TRAPPC9: variants seen among roughly 807,000 people sequenced by gnomAD.
TRAPPC9 encodes trafficking protein particle complex subunit 9, also known as IKK2 binding protein.
Under a neutral mutation model 124.0 loss-of-function variants are expected in TRAPPC9, and 83 were observed. The observed-to-expected ratio is 0.67, with a 90% CI of 0.56 to 0.80. The LOEUF (loss-of-function observed/expected upper bound fraction) is 0.80. TRAPPC9 is among the 30% of genes least tolerant of loss of function. The pLI, the probability that TRAPPC9 is intolerant of heterozygous loss-of-function variation, is 0.00. For synonymous variants in TRAPPC9, 638 were observed against 617.5 expected, an observed-to-expected ratio of 1.03 and a Z score of -0.49; for missense variants, 1,302 against 1,508.3, an observed-to-expected ratio of 0.86 and a Z score of 2.27.
chr8:140,083,512 G>C (rs141609187), intron 17 of TRAPPC9, among the ~76,000 whole-genome samples: 1 of 152,302 alleles, frequency 6.6e-6, no homozygotes, highest in East Asian at 1.9e-4. Flanking sequence ...ACCACAGAGA[G>C]AAAGGTGAGG....
Position 140,133,806 on chromosome 8 carries a change from T to C in TRAPPC9, c.2556+87653A>G, listed in dbSNP as rs1354069840. Among the ~76,000 whole-genome samples the C allele has an allele frequency of 3.3e-5, 5 of 151,614 alleles. No individual in the cohort carries two copies. The South Asian group carries it at 1.0e-3, about 31-fold the overall frequency. ...ATTTAGAAAGCAATTCCATTTAAAA[T>C]AGTATATGGAATAATACCTAGGAAT... On this transcript the variant is annotated intron_variant, in intron 17 of 22. Transcript: ENST00000438773.
At chr8:139,791,337 G>A (rs56343024) in intron 21 of TRAPPC9, among the ~76,000 whole-genome samples, 57,985 of 131,476 alleles carry the variant, frequency 0.44, 13,142 homozygotes, top group Non-Finnish European at 0.55. Flanking sequence ...ACACACACAC[G>A]CTCACACTCA....
At chr8:139,880,802 T>G (rs968512920) in intron 21 of TRAPPC9, among the ~76,000 whole-genome samples, 1 of 152,234 alleles carries the variant, frequency 6.6e-6, no homozygotes, top group African/African-American at 2.4e-5. Context: ...ACTGTGACAC[T>G]GCAAACAGGA....
intron 5 of TRAPPC9, among the ~76,000 whole-genome samples, chr8:140,424,148 T>C (rs2132539102): frequency 6.6e-6 from 1 of 151,576 alleles, no homozygotes; most frequent in Non-Finnish European, 1.5e-5. Context: ...GTTTGTTTGT[T>C]TGTTTGTTTT....
intron 21 of TRAPPC9, among the ~76,000 whole-genome samples, chr8:139,836,796 T>C (rs1267887011): frequency 1.3e-5 from 2 of 152,236 alleles, no homozygotes; most frequent in Non-Finnish European, 2.9e-5. Context: ...TACTTCATTC[T>C]GTAAGCTAAA....
At chr8:140,397,308 A>T (rs1368374846) in intron 7 of TRAPPC9, among the ~76,000 whole-genome samples, 1 of 152,220 alleles carries the variant, frequency 6.6e-6, no homozygotes, top group African/African-American at 2.4e-5. Context: ...CAAGTACTTC[A>T]TGAGTGACAA....
chr8:140,225,769 C>CTG (rs1367419569), intron 16 of TRAPPC9, among the ~76,000 whole-genome samples: 1 of 152,192 alleles, frequency 6.6e-6, no homozygotes, highest in Non-Finnish European at 1.5e-5. Flanking sequence ...GCCATCTCAT[C>CTG]TGTGTGTGTG....
chr8:140,298,368 G>A (rs1169356235), intron 11 of TRAPPC9, among the ~76,000 whole-genome samples: 1 of 152,188 alleles, frequency 6.6e-6, no homozygotes, highest in Non-Finnish European at 1.5e-5. Context: ...AAGACAATGT[G>A]CTGGCTGGAC....
chr8:139,835,511 C>G (rs1826275833), intron 21 of TRAPPC9, among the ~76,000 whole-genome samples: 1 of 152,222 alleles, frequency 6.6e-6, no homozygotes, highest in Non-Finnish European at 1.5e-5. Flanking sequence ...AATATCTATT[C>G]ATCTAGGTAT....
intron 10 of TRAPPC9, among the ~76,000 whole-genome samples, chr8:140,302,243 G>A (rs1433032306): frequency 6.6e-6 from 1 of 152,140 alleles, no homozygotes; most frequent in Non-Finnish European, 1.5e-5. Context: ...GTGACTCACG[G>A]CAGGAGATGG....
At position 139,997,705 on chromosome 8, in the gene TRAPPC9, GACAATGCATCCCACACAGGGGAA is replaced by G. The variant is rs1299710061; in HGVS notation, c.2700-8892_2700-8870del. The stretch of plus-strand genomic sequence containing the variant: ...GGAGACAATGCATCCTACACAGGGA[GACAATGCATCCCACACAGGGGAA>G]ACAATGCATCCTACACAGGGAGACA... On this transcript the variant is annotated intron_variant, in intron 18 of 22. Transcript: ENST00000438773. Among the ~76,000 whole-genome samples the G allele has an allele frequency of 8.4e-5, 7 of 82,980 alleles. 1 individual carries two copies. The highest frequency in any genetic ancestry group is 1.8e-4 in the Non-Finnish European group (6 of 33,132). 54.4% of individuals were successfully genotyped at this position (82,980 alleles called of 152,430 possible). A position where few individuals can be genotyped will look rare whatever the true frequency, so the allele number is the denominator to read the frequency against.
intron 21 of TRAPPC9, among the ~76,000 whole-genome samples, chr8:139,833,606 C>T (rs930272907): frequency 2.0e-5 from 3 of 152,230 alleles, no homozygotes; most frequent in East Asian, 1.9e-4. Context: ...CAGGCCTTGA[C>T]GGGTGGTTCA....
At chr8:140,041,504 TC>T (rs1563714808) in intron 17 of TRAPPC9, among the ~76,000 whole-genome samples, 1 of 152,194 alleles carries the variant, frequency 6.6e-6, no homozygotes, top group Admixed American at 6.5e-5. Context: ...AAGCCCAAGG[TC>T]CAACAGCCAA....
At chr8:140,157,563 TC>T (rs1359266673) in intron 17 of TRAPPC9, among the ~76,000 whole-genome samples, 1 of 152,236 alleles carries the variant, frequency 6.6e-6, no homozygotes, top group Non-Finnish European at 1.5e-5. Context: ...AAGGGGACTG[TC>T]GTCCAATCTG....
chr8:140,171,632 C>T (rs1198168619), intron 17 of TRAPPC9, among the ~76,000 whole-genome samples: 1 of 152,162 alleles, frequency 6.6e-6, no homozygotes, highest in Non-Finnish European at 1.5e-5. Flanking sequence ...GGTCCTCTGC[C>T]ATGCAGCTTC....
At chr8:140,127,903 A>G (rs2061127761) in intron 17 of TRAPPC9, among the ~76,000 whole-genome samples, 1 of 152,232 alleles carries the variant, frequency 6.6e-6, no homozygotes, top group Admixed American at 6.5e-5. Context: ...TACTAGATTA[A>G]CCTGAAGTCA....
intron 17 of TRAPPC9, among the ~76,000 whole-genome samples, chr8:140,061,794 G>A (rs952881408): frequency 3.9e-5 from 6 of 152,194 alleles, no homozygotes; most frequent in Admixed American, 2.0e-4. Context: ...GAAGGGCTTT[G>A]GAGACCTCTG....
chr8:139,808,970 T>G (rs1408269524), intron 21 of TRAPPC9, among the ~76,000 whole-genome samples: 5 of 152,246 alleles, frequency 3.3e-5, no homozygotes, highest in Non-Finnish European at 1.5e-5. Context: ...ATGTTTTCAA[T>G]GCTCTTTGCC....
intron 17 of TRAPPC9, among the ~76,000 whole-genome samples, chr8:140,168,769 G>T (rs866716881): frequency 1.1e-4 from 17 of 152,224 alleles, no homozygotes; most frequent in African/African-American, 4.1e-4. Context: ...CCAGATGTGG[G>T]GTGCATTTCA....
Sources: allele counts gnomAD v4.1 joint callset (sites outside exome capture counted in the v4.1 genomes callset), GRCh38; gene constraint gnomAD v4.1.1; transcripts MANE v1.5; gene names NCBI Gene and HGNC (gene_info 2026-07-23, HGNC 2026-07-21).